Variants in NKAIN4 observed in about 807,000 individuals in gnomAD.
NKAIN4 encodes the protein sodium/potassium transporting ATPase interacting 4, also known as sodium/potassium-transporting ATPase subunit beta-1-interacting protein 4.
Under a neutral mutation model 28.8 loss-of-function variants are expected in NKAIN4, and 28 were observed. That is an observed-to-expected ratio of 0.97 (90% confidence interval 0.72 to 1.33). The LOEUF (loss-of-function observed/expected upper bound fraction) is 1.33. Ranked by LOEUF, NKAIN4 falls within the 40% of genes most tolerant of loss-of-function variation. NKAIN4 has a pLI of 0.00. For synonymous variants in NKAIN4, 122 were observed against 115.6 expected, an observed-to-expected ratio of 1.06 and a Z score of -0.36; for missense variants, 289 against 277.2, an observed-to-expected ratio of 1.04 and a Z score of -0.30.
At position 63,242,414 on chromosome 20, in the gene NKAIN4, T is replaced by TGGAC. The variant is rs373459554; in HGVS notation, c.617+121_617+124dup. 5 of 740,738 alleles carry TGGAC rather than the reference T, an allele frequency of 6.8e-6. No homozygotes were observed. In the African/African-American group the frequency reaches 8.6e-5, roughly 13 times the overall value. The allele number at this position is 740,738 out of a possible 1,614,324, so 45.9% of individuals were successfully genotyped here. ...TGTTAGAAAAGTGAGAGTGGATGGA[T>TGGAC]GGACGGATGGATGGCAGAACGGACA... On this transcript the variant is annotated intron_variant, in intron 6 of 6. Transcript: ENST00000370316.
intron 2 of NKAIN4, among the ~76,000 whole-genome samples, chr20:63,249,704 G>A (rs1361606448): frequency 6.6e-6 from 1 of 152,044 alleles, no homozygotes; most frequent in African/African-American, 2.4e-5. Flanking sequence ...AGTGCCTGGG[G>A]CCCCCCAATA....
At chr20:63,250,308 C>G (rs545657312) in intron 1 of NKAIN4, among the ~76,000 whole-genome samples, 1 of 152,340 alleles carries the variant, frequency 6.6e-6, no homozygotes, top group South Asian at 2.1e-4. Flanking sequence ...CCCAAATGAG[C>G]CTGACAGGCC....
At chr20:63,253,465 T>G (rs1011494686) in intron 1 of NKAIN4, 79 of 985,448 alleles carry the variant, frequency 8.0e-5, no homozygotes, top group Non-Finnish European at 9.2e-5. Flanking sequence ...CTCAAAACTC[T>G]GAAACAGCCC....
At chr20:63,242,474 C>T in intron 6 of NKAIN4, 65 bp downstream of exon 6, 1 of 1,139,382 alleles carries the variant, frequency 8.8e-7, no homozygotes. Flanking sequence ...AGGAAGGCAG[C>T]CTCTCGCTGT....
Position 63,249,028 on chromosome 20 carries a change from C to T in NKAIN4, c.193-133G>A, listed in dbSNP as rs56661567. Reference sequence around the variant, plus strand: ...CTCTGCTCCTGAGTCTGGCGGCCCCCAGATGCACAGCATGGAGAAAGGGGT... The same window carrying T: ...CTCTGCTCCTGAGTCTGGCGGCCCCTAGATGCACAGCATGGAGAAAGGGGT... On this transcript the variant is annotated intron_variant, in intron 2 of 6. Transcript: ENST00000370316. 0.015 allele frequency: 9,884 copies of T among 666,238 alleles called. 110 individuals carry two copies. Among genetic ancestry groups the T allele is most frequent in the African/African-American group, 0.046 (2,583 of 56,260 alleles). The allele number at this position is 666,238 out of a possible 1,614,324, so 41.3% of individuals were successfully genotyped here.
At chr20:63,253,582 A>T (rs1568715035) in intron 1 of NKAIN4, 2 of 907,724 alleles carry the variant, frequency 2.2e-6, no homozygotes, top group East Asian at 2.4e-4. Flanking sequence ...CCCAGGGCCA[A>T]TTAGCATCGA....
rs1318931732 is a variant in NKAIN4 at position 63,242,458 on chromosome 20, C to A, written c.617+81G>T. On this transcript the variant is annotated intron_variant, in intron 6 of 6. Transcript: ENST00000370316. ...ACGGACAGGCAGGTGCCTGGTGAGG[C>A]CCCCAAGGAAGGCAGCCTCTCGCTG... 19 of 933,220 alleles carry A rather than the reference C, an allele frequency of 2.0e-5. No homozygotes were observed. In the East Asian group the frequency reaches 4.5e-4, roughly 22 times the overall value. 57.8% of individuals were successfully genotyped at this position (933,220 alleles called of 1,614,324 possible). A position where few individuals can be genotyped will look rare whatever the true frequency, so the allele number is the denominator to read the frequency against.
At chr20:63,246,684 A>G (rs1352630766) in intron 4 of NKAIN4, 1 of 982,920 alleles carries the variant, frequency 1.0e-6, no homozygotes, top group South Asian at 4.7e-5. Context: ...GAGCCTCGAG[A>G]TCGGTCAGAA....
upstream of NKAIN4, chr20:63,254,565 C>A (rs866320314): frequency 2.7e-6 from 2 of 750,128 alleles, no homozygotes; most frequent in Middle Eastern, 4.5e-4. Flanking sequence ...CCCGTTCCCC[C>A]CTCCTCCCCG....
rs1013543881 is a variant in NKAIN4, at chr20:63,245,739, C to T, written c.472-1655G>A. 3.9e-5 allele frequency among the ~76,000 whole-genome samples: 6 copies of T among 152,128 alleles called. No individual in the cohort carries two copies. The highest frequency in any genetic ancestry group is 1.4e-4 in the African/African-American group (6 of 41,414). On this transcript the variant is annotated intron_variant, in intron 4 of 6. Coordinates refer to ENST00000370316, the MANE Select transcript of NKAIN4 (RefSeq NM_152864.4). This position sits in a 1 kb window ranked among gnomAD's most constrained non-coding sequence, Gnocchi z 4.7. ...CCAAAGCAAACAGCAGGGGCGAGAT[C>T]CTAGCGAGGACTAGCTGGCTGGAAT...
chr20:63,254,501 C>CCCCGCT (rs775981629), upstream of NKAIN4: 13 of 1,222,316 alleles, frequency 1.1e-5, no homozygotes, highest in South Asian at 2.1e-4. Flanking sequence ...CGGCCCCCGC[C>CCCCGCT]CCCGCTCCGC....
At position 63,254,396 on chromosome 20, in the gene NKAIN4, C is replaced by G; in HGVS notation, c.54+1G>C. 1 of 1,453,394 alleles carries G rather than the reference C, an allele frequency of 6.9e-7. No individual in the cohort carries two copies. The highest frequency in any genetic ancestry group is 9.1e-7 in the Non-Finnish European group (1 of 1,104,814). 90.0% of individuals were successfully genotyped at this position (1,453,394 alleles called of 1,614,324 possible). On this transcript the variant is annotated splice_donor_variant, in intron 1 of 6. Coordinates refer to ENST00000370316, the MANE Select transcript of NKAIN4 (RefSeq NM_152864.4). LOFTEE classifies it high-confidence loss of function. ...AGGCTCGCGGAGGGGTCGCCACTCA[C>G]CAGCTGAAAAGCGCAGAGGACGACG...
At chr20:63,246,235 T>C (rs11906597) in intron 4 of NKAIN4, among the ~76,000 whole-genome samples, 53,835 of 152,092 alleles carry the variant, frequency 0.35, 10,606 homozygotes, top group African/African-American at 0.54. Flanking sequence ...GCCTAGCTTC[T>C]TTTCTGTTGC....
At chr20:63,254,614 G>T, upstream of NKAIN4, 1 of 481,082 alleles carries the variant, frequency 2.1e-6, no homozygotes, top group Non-Finnish European at 3.2e-6. Flanking sequence ...TAACAGCTGC[G>T]CTGCGTCTCC....
At chr20:63,248,755 C>G (rs1299620632) in intron 3 of NKAIN4, 60 bp downstream of exon 3, 6 of 1,133,772 alleles carry the variant, frequency 5.3e-6, no homozygotes, top group Non-Finnish European at 8.0e-6. Context: ...GGGGGTGTTA[C>G]CAGGGGCCCG....
intron 4 of NKAIN4, chr20:63,247,208 ACACG>A (rs2066874804): frequency 8.5e-7 from 1 of 1,171,880 alleles, no homozygotes. Context: ...AACAGGCGGG[ACACG>A]CATGGATGGG....
At chr20:63,246,605 G>A (rs35423938) in intron 4 of NKAIN4, 342,977 of 985,030 alleles carry the variant, frequency 0.35, 61,877 homozygotes, top group East Asian at 0.52. Context: ...ATGGAGCCTC[G>A]CTCCTGGAAG....
intron 4 of NKAIN4, 53 bp downstream of exon 4, chr20:63,247,525 T>TC: frequency 6.5e-7 from 1 of 1,547,168 alleles, no homozygotes. Context: ...CAGCTCCATG[T>TC]CCCCTCCCCC....
At position 63,244,021 on chromosome 20, in the gene NKAIN4, C is replaced by G. The variant is rs2044642321; in HGVS notation, c.532+3G>C. The G allele has an allele frequency of 1.2e-5, 19 of 1,612,642 alleles. No individual in the cohort carries two copies. The highest frequency in any genetic ancestry group is 1.6e-5 in the Non-Finnish European group (19 of 1,179,130). On this transcript the variant is annotated splice_donor_region_variant and intron_variant, in intron 5 of 6. Coordinates refer to ENST00000370316, the MANE Select transcript of NKAIN4 (RefSeq NM_152864.4). ...CCACTGCCTGCAGAGGCCCCATACT[C>G]ACAGCTGTCCTCTTCCTCCGTAAAC...
Sources: gnomAD v4.1 joint callset for allele counts (sites outside exome capture counted in the v4.1 genomes callset) on GRCh38, gnomAD v4.1.1 for gene constraint, Gnocchi (gnomAD v3.1) non-coding constraint, MANE v1.5 for transcripts, NCBI Gene and HGNC (gene_info 2026-07-23, HGNC 2026-07-21) for gene names.